The following VAMP4 variants were observed in gnomAD, a reference collection of about 807,000 sequenced individuals.
VAMP4 encodes the protein vesicle-associated membrane protein 4.
VAMP4 carries 19 observed loss-of-function variants against 23.5 expected under a neutral mutation model. The observed-to-expected ratio is 0.81, with a 90% CI of 0.56 to 1.19. The LOEUF (loss-of-function observed/expected upper bound fraction) is 1.19. Among genes scored for constraint, VAMP4 ranks in the 50% most tolerant of loss-of-function variants. The probability of loss-of-function intolerance (pLI) is 0.00; values close to 1 mark genes in which losing one functional copy is unlikely to be tolerated. For synonymous variants in VAMP4, 31 were observed against 51.0 expected, an observed-to-expected ratio of 0.61 and a Z score of 1.67; for missense variants, 145 against 168.6, an observed-to-expected ratio of 0.86 and a Z score of 0.78.
At chr1:171,740,883 C>T (rs771037868) in intron 1 of VAMP4, among the ~76,000 whole-genome samples, 1 of 152,134 alleles carries the variant, frequency 6.6e-6, no homozygotes, top group Non-Finnish European at 1.5e-5. Context: ...ACAAATAGCC[C>T]ATCAGCAAAG....
intron 3 of VAMP4, among the ~76,000 whole-genome samples, chr1:171,720,613 A>T (rs1220026312): frequency 6.6e-6 from 1 of 152,076 alleles, no homozygotes; most frequent in African/African-American, 2.4e-5. Flanking sequence ...AAGCGTAGAT[A>T]GGAACTCTCT....
intron 7 of VAMP4, 63 bp from the exon 8 acceptor site, chr1:171,704,597 C>T (rs1654588073): frequency 7.7e-7 from 1 of 1,295,238 alleles, no homozygotes; most frequent in East Asian, 2.7e-5. Context: ...ATGTTTGAAG[C>T]AATATTCCTA....
At chr1:171,731,159 G>A (rs747974311) in intron 2 of VAMP4, among the ~76,000 whole-genome samples, 9 of 133,448 alleles carry the variant, frequency 6.7e-5, no homozygotes, top group Non-Finnish European at 9.6e-5. Context: ...ACTAAGCAGC[G>A]GTTTTGAACA....
intron 3 of VAMP4, among the ~76,000 whole-genome samples, chr1:171,727,117 G>A (rs900126637): frequency 7.3e-5 from 11 of 151,598 alleles, no homozygotes; most frequent in Middle Eastern, 3.4e-3. Context: ...GCACACACCC[G>A]TAGTCCCAGC....
At chr1:171,714,388 C>T (rs1056426315) in intron 4 of VAMP4, among the ~76,000 whole-genome samples, 1 of 152,140 alleles carries the variant, frequency 6.6e-6, no homozygotes, top group Non-Finnish European at 1.5e-5. Context: ...TCTTTAATTT[C>T]CCAGGTCAAG....
At chr1:171,724,877 A>C (rs904448102) in intron 3 of VAMP4, among the ~76,000 whole-genome samples, 4 of 152,220 alleles carry the variant, frequency 2.6e-5, no homozygotes, top group Non-Finnish European at 5.9e-5. Context: ...TAAGAAAGAC[A>C]CATAGAGTCC....
At chr1:171,710,909 C>T (rs924499753) in intron 4 of VAMP4, 95 bp from the exon 5 acceptor site, 2 of 852,464 alleles carry the variant, frequency 2.3e-6, no homozygotes, top group Non-Finnish European at 3.5e-6. Flanking sequence ...ATAGCAAATT[C>T]TCAGAGAATT....
At chr1:171,717,346 C>T (rs2227229) in intron 4 of VAMP4, among the ~76,000 whole-genome samples, 53,064 of 151,984 alleles carry the variant, frequency 0.35, 9,665 homozygotes, top group African/African-American at 0.46. Flanking sequence ...ACATATGCCA[C>T]ACAGGCTTGA....
At chr1:171,739,598 G>C (rs1337533565) in intron 1 of VAMP4, among the ~76,000 whole-genome samples, 2 of 152,206 alleles carry the variant, frequency 1.3e-5, no homozygotes, top group Admixed American at 6.5e-5. Context: ...GGCACCTGAA[G>C]TGGGGGGAAT....
At chr1:171,739,146 C>A (rs1655840134) in intron 1 of VAMP4, among the ~76,000 whole-genome samples, 1 of 152,138 alleles carries the variant, frequency 6.6e-6, no homozygotes, top group African/African-American at 2.4e-5. Flanking sequence ...CAGATGGAGG[C>A]TGGTCACAGA....
chr1:171,704,941 T>A (rs1350420024), intron 7 of VAMP4, among the ~76,000 whole-genome samples: 1 of 152,082 alleles, frequency 6.6e-6, no homozygotes, highest in Non-Finnish European at 1.5e-5. Context: ...CTCTACTAAT[T>A]GTAAGATTAT....
chr1:171,735,959 T>C (rs925250557), intron 2 of VAMP4, among the ~76,000 whole-genome samples: 1 of 152,168 alleles, frequency 6.6e-6, no homozygotes, highest in African/African-American at 2.4e-5. Context: ...CAATCTCGGC[T>C]CACTGCAACC....
At chr1:171,710,311 A>G (rs951346731) in intron 5 of VAMP4, among the ~76,000 whole-genome samples, 5 of 151,964 alleles carry the variant, frequency 3.3e-5, no homozygotes, top group African/African-American at 1.2e-4. Flanking sequence ...TATAGGTGTA[A>G]TGACTGAAAG....
chr1:171,729,852 G>A (rs1655503146), intron 2 of VAMP4, among the ~76,000 whole-genome samples: 1 of 152,140 alleles, frequency 6.6e-6, no homozygotes, highest in Non-Finnish European at 1.5e-5. Context: ...CTGTGAATGT[G>A]TTACCTTGCA....
chr1:171,704,378 G>T lies in VAMP4; in HGVS notation c.*128C>A. ...CATTCTCAACGTTCCAATTTGAAGT[G>T]ATACTTGCCTCTTAGTTTCTTGAAA... On this transcript the variant is annotated 3_prime_UTR_variant, in exon 8 of 8. Transcript: ENST00000236192. 1 of 587,970 alleles carries T rather than the reference G, an allele frequency of 1.7e-6. No individual in the cohort carries two copies. The allele number at this position is 587,970 out of a possible 1,614,324, so 36.4% of individuals were successfully genotyped here.
At chr1:171,720,346 G>T (rs11806314) in intron 3 of VAMP4, among the ~76,000 whole-genome samples, 53,226 of 151,682 alleles carry the variant, frequency 0.35, 9,786 homozygotes, top group African/African-American at 0.47. Flanking sequence ...GAATTAAAAT[G>T]ATCCCCACTA....
At chr1:171,731,603 T>C (rs61413126) in intron 2 of VAMP4, among the ~76,000 whole-genome samples, 8,943 of 152,250 alleles carry the variant, frequency 0.059, 352 homozygotes, top group East Asian at 0.24. Context: ...AGAGCATTCA[T>C]TGCTGCAGGA....
chr1:171,730,527 C>T (rs1455371229), intron 2 of VAMP4, among the ~76,000 whole-genome samples: 1 of 151,970 alleles, frequency 6.6e-6, no homozygotes, highest in South Asian at 2.1e-4. Context: ...GAAAGCATTG[C>T]CAATATGCTC....
chr1:171,704,210 T>C lies in VAMP4; in HGVS notation c.*296A>G, dbSNP rs1654573152. The C allele has an allele frequency of 4.7e-6, 1 of 214,104 alleles. No individual in the cohort carries two copies. Among genetic ancestry groups the C allele is most frequent in the African/African-American group, 2.3e-5 (1 of 43,778 alleles). The allele number at this position is 214,104 out of a possible 1,614,324, so 13.3% of individuals were successfully genotyped here. A position where few individuals can be genotyped will look rare whatever the true frequency, so the allele number is the denominator to read the frequency against. On this transcript the variant is annotated 3_prime_UTR_variant, in exon 8 of 8. Transcript: ENST00000236192. Reference sequence around the variant, plus strand: ...TATTAATATGAAATATTATAATCAGTGTTTATATACACAAATAATGAACTG... The same window carrying C: ...TATTAATATGAAATATTATAATCAGCGTTTATATACACAAATAATGAACTG...
Sources: allele counts gnomAD v4.1 joint callset (sites outside exome capture counted in the v4.1 genomes callset), GRCh38; gene constraint gnomAD v4.1.1; transcripts MANE v1.5; gene names NCBI Gene and HGNC (gene_info 2026-07-23, HGNC 2026-07-21).